The following SLC6A14 variants were observed in gnomAD, a reference collection of about 807,000 sequenced individuals.
SLC6A14 encodes solute carrier family 6 member 14.
SLC6A14 carries 21 observed loss-of-function variants against 51.4 expected under a neutral mutation model. The ratio of observed to expected loss-of-function variants is 0.41; its 90% CI spans 0.29 to 0.59. The LOEUF (loss-of-function observed/expected upper bound fraction) is 0.59. SLC6A14 is among the 20% of genes least tolerant of loss of function. The probability of loss-of-function intolerance (pLI) is 0.31; values close to 1 mark genes in which losing one functional copy is unlikely to be tolerated. For synonymous variants in SLC6A14, 177 were observed against 160.7 expected, an observed-to-expected ratio of 1.10 and a Z score of -0.77; for missense variants, 371 against 472.8, an observed-to-expected ratio of 0.78 and a Z score of 2.00.
In SLC6A14 at chrX:116,442,844, A is replaced by C; in HGVS notation, c.504A>C (p.Pro168=). ...SWSDKNCSRS[P]IVTHCNVSTV... ...CAGATAAAAACTGTAGCAGATCACCAATAGGTAAAATTTGTCAACACCCAA... is the reference window on the plus strand; with the variant it reads ...CAGATAAAAACTGTAGCAGATCACCCATAGGTAAAATTTGTCAACACCCAA... Residue 168 remains proline (P), a synonymous_variant, in exon 4 of 14, where the codon CCA becomes CCC. Transcript: ENST00000598581. 7 of 1,167,998 alleles carry C rather than the reference A, an allele frequency of 6.0e-6. No homozygotes were observed. The highest frequency in any genetic ancestry group is 6.8e-6 in the Non-Finnish European group (6 of 875,914).
chrX:116,439,059 G>A (rs1927542037), intron 2 of SLC6A14, among the ~76,000 whole-genome samples: 2 of 110,728 alleles, frequency 1.8e-5, no homozygotes, highest in Admixed American at 1.9e-4. Context: ...CTGTCCTAAG[G>A]TCCAGTGTGG....
At chrX:116,437,075 C>T in intron 1 of SLC6A14, among the ~76,000 whole-genome samples, 1 of 111,061 alleles carries the variant, frequency 9.0e-6, no homozygotes, top group Non-Finnish European at 1.9e-5. Context: ...CCCAAAGAAC[C>T]CTCCATACCC....
At chrX:116,444,253 C>T (rs937627055) in intron 5 of SLC6A14, among the ~76,000 whole-genome samples, 2 of 111,947 alleles carry the variant, frequency 1.8e-5, no homozygotes, top group Non-Finnish European at 1.9e-5. Context: ...TAATTTCAAA[C>T]GATCTCTCTA....
intron 7 of SLC6A14, among the ~76,000 whole-genome samples, chrX:116,447,844 G>A (rs1256823733): frequency 9.0e-6 from 1 of 110,920 alleles, no homozygotes; most frequent in Non-Finnish European, 1.9e-5. Flanking sequence ...CGATCCACCC[G>A]CCTTGGCCTC....
rs782625997 is a variant in SLC6A14, at chrX:116,458,790, T to G, written c.1783-19T>G. The G allele has an allele frequency of 1.1e-5, 13 of 1,158,305 alleles. No homozygotes were observed. The highest frequency in any genetic ancestry group is 3.4e-6 in the Non-Finnish European group (3 of 871,712). On this transcript the variant is annotated intron_variant, in intron 13 of 13. Transcript: ENST00000598581. ...GCACTTAAATTCTAAGACAATGATT[T>G]TTTGTTCTTGCATTTCAGCGCCTTA...
chrX:116,453,706 A>G (rs1426559276), intron 9 of SLC6A14, among the ~76,000 whole-genome samples: 5 of 111,200 alleles, frequency 4.5e-5, no homozygotes, highest in Non-Finnish European at 9.5e-5. Flanking sequence ...TGCTGCAATG[A>G]TCATCCTTGC....
intron 7 of SLC6A14, among the ~76,000 whole-genome samples, chrX:116,447,449 C>T (rs1556694103): frequency 8.9e-6 from 1 of 111,891 alleles, no homozygotes; most frequent in Non-Finnish European, 1.9e-5. Flanking sequence ...TTGGGTAACC[C>T]TATTTCAACT....
chrX:116,442,323 T>G (rs782404520), intron 3 of SLC6A14, among the ~76,000 whole-genome samples: 1 of 112,136 alleles, frequency 8.9e-6, no homozygotes, highest in Non-Finnish European at 1.9e-5. Flanking sequence ...TGGAGTGCAG[T>G]GGTGGATCTA....
chrX:116,451,129 C>T (rs782752354), intron 7 of SLC6A14, among the ~76,000 whole-genome samples: 7 of 111,617 alleles, frequency 6.3e-5, no homozygotes, highest in Non-Finnish European at 1.3e-4. Context: ...TATATGTTTA[C>T]GTGCATTAAG....
intron 2 of SLC6A14, among the ~76,000 whole-genome samples, chrX:116,439,372 C>T (rs782074462): frequency 1.1e-4 from 12 of 111,364 alleles, no homozygotes; most frequent in Non-Finnish European, 1.9e-4. Flanking sequence ...CTTCTTTCAT[C>T]CAAGAGTAGA....
At chrX:116,444,296 A>G (rs782579724) in intron 5 of SLC6A14, among the ~76,000 whole-genome samples, 4 of 111,864 alleles carry the variant, frequency 3.6e-5, no homozygotes, top group Non-Finnish European at 7.5e-5. Context: ...CTCTTACCTA[A>G]TATTGTTGAC....
chrX:116,442,885 A>C, intron 4 of SLC6A14, 37 bp downstream of exon 4: 2 of 1,014,184 alleles, frequency 2.0e-6, no homozygotes, highest in Non-Finnish European at 2.7e-6. Flanking sequence ...TCTTTTATAT[A>C]TATTTTTTAT....
At chrX:116,451,069 A>C (rs1185007499) in intron 7 of SLC6A14, among the ~76,000 whole-genome samples, 1 of 112,779 alleles carries the variant, frequency 8.9e-6, no homozygotes, top group Non-Finnish European at 1.9e-5. Context: ...TATATAGTTC[A>C]ACTTGATGAT....
chrX:116,440,569 T>G (rs1291806188), intron 2 of SLC6A14, among the ~76,000 whole-genome samples: 1 of 111,875 alleles, frequency 8.9e-6, no homozygotes, highest in Non-Finnish European at 1.9e-5. Flanking sequence ...GAGTTGGCAT[T>G]GTTCTCCCCT....
intron 1 of SLC6A14, 132 bp from the exon 2 acceptor site, chrX:116,437,658 A>G (rs2147383612): frequency 1.6e-6 from 1 of 611,980 alleles, no homozygotes; most frequent in East Asian, 3.4e-5. Context: ...AACTTTCTAA[A>G]GCATTCCCCT....
rs1927994643 is a variant in SLC6A14, at chrX:116,459,198, GTCTC to G, written c.*245_*248del. ...ATAACACACACACACACACCTAAGA[GTCTC>G]TATTTCACAATTATATTTTTGTAAA... On this transcript the variant is annotated 3_prime_UTR_variant, in exon 14 of 14. Coordinates refer to ENST00000598581, the MANE Select transcript of SLC6A14 (RefSeq NM_007231.5). 8.2e-6 allele frequency: 2 copies of G among 242,667 alleles called. No homozygotes were observed. Among genetic ancestry groups the G allele is most frequent in the South Asian group, 5.2e-4 (2 of 3,872 alleles). The allele number at this position is 242,667 out of a possible 1,213,427, so 20.0% of individuals were successfully genotyped here. A position where few individuals can be genotyped will look rare whatever the true frequency, so the allele number is the denominator to read the frequency against.
chrX:116,444,789 C>A lies in SLC6A14; in HGVS notation c.657-129C>A, dbSNP rs782630263. ...ATAGTATCTATCAATAAAGGCTCAC[C>A]GAACTTTGATATATTAATAAGATAC... On this transcript the variant is annotated intron_variant, in intron 5 of 13. Transcript: ENST00000598581. 7.7e-6 allele frequency: 5 copies of A among 650,413 alleles called. 1 individual carries two copies. In the South Asian group the frequency reaches 1.1e-4, roughly 15 times the overall value. 53.6% of individuals were successfully genotyped at this position (650,413 alleles called of 1,213,427 possible).
intron 12 of SLC6A14, among the ~76,000 whole-genome samples, chrX:116,455,966 A>C (rs1334827983): frequency 9.0e-6 from 1 of 111,377 alleles, no homozygotes; most frequent in East Asian, 2.8e-4. Context: ...GATGATAGTA[A>C]AAGAAACTTA....
Position 116,458,801 on chromosome X carries a change from C to G in SLC6A14, c.1783-8C>G. The G allele has an allele frequency of 8.7e-7, 1 of 1,155,267 alleles. No individual in the cohort carries two copies. Among genetic ancestry groups the G allele is most frequent in the Non-Finnish European group, 1.1e-6 (1 of 871,137 alleles). On this transcript the variant is annotated splice_polypyrimidine_tract_variant and splice_region_variant and intron_variant, in intron 13 of 13. Coordinates refer to ENST00000598581, the MANE Select transcript of SLC6A14 (RefSeq NM_007231.5). ...CTAAGACAATGATTTTTTGTTCTTG[C>G]ATTTCAGCGCCTTATAAGTTGCTGC...
Sources: gnomAD v4.1 joint callset for allele counts (sites outside exome capture counted in the v4.1 genomes callset) on GRCh38, gnomAD v4.1.1 for gene constraint, MANE v1.5 for transcripts, NCBI Gene and HGNC (gene_info 2026-07-23, HGNC 2026-07-21) for gene names.